The following ANO7 variants were observed in gnomAD, a reference collection of about 807,000 sequenced individuals.
The protein encoded by ANO7 is anoctamin 7.
A neutral mutation model predicts 115.8 loss-of-function variants in ANO7; 114 were observed. That is an observed-to-expected ratio of 0.98 (90% CI 0.85 to 1.15). ANO7 has a LOEUF of 1.15. Among genes scored for constraint, ANO7 ranks in the 50% most tolerant of loss-of-function variants. ANO7 has a pLI of 0.00. For missense variants in ANO7, 1,302 were observed against 1,201.2 expected (o/e 1.08, Z -1.24); for synonymous variants, 550 against 498.2 (o/e 1.10, Z -1.38).
chr2:241,196,838 C>CGT (rs60120827), intron 4 of ANO7, among the ~76,000 whole-genome samples: 2,868 of 146,930 alleles, frequency 0.02, 56 homozygotes, highest in African/African-American at 0.044. Context: ...TCAATTCATT[C>CGT]GTGTGTGTGT....
intron 4 of ANO7, 178 bp from the exon 5 acceptor site, chr2:241,199,138 G>A (rs1362972148): frequency 1.5e-5 from 9 of 603,788 alleles, no homozygotes; most frequent in Non-Finnish European, 2.4e-5. Context: ...AGGCCCGGTT[G>A]GCTTTCAGAG....
In ANO7 at chr2:241,200,179, C is replaced by T. The variant is rs902700135; in HGVS notation, c.508C>T (p.Pro170Ser). ...CCTGCTGGAGGTTGTGCCAGACGTA[C>T]CCCCCGAGTACTACTCCTGCCGGTT... is the stretch of plus-strand genomic sequence containing the variant. Reference protein sequence around the residue: ...NVLLEVVPDVPPEYYSCRFRV... With the variant: ...NVLLEVVPDVSPEYYSCRFRV... The change falls in exon 6 of 25, where the codon CCC becomes TCC. Residue 170 changes from proline (P) to serine (S), a missense_variant. Pro to Ser is a moderately conservative substitution (Grantham distance 74, BLOSUM62 -1). Transcript: ENST00000674324. The T allele has an allele frequency of 3.1e-6, 5 of 1,613,020 alleles. No individual in the cohort carries two copies. The highest frequency in any genetic ancestry group is 2.7e-5 in the African/African-American group (2 of 75,028).
At chr2:241,230,699 G>T, downstream of ANO7, 1 of 1,475,174 alleles carries the variant, frequency 6.8e-7, no homozygotes, top group Non-Finnish European at 9.4e-7. This position sits in a 1 kb window ranked among gnomAD's most constrained non-coding sequence, Gnocchi z 5.0. Flanking sequence ...CTTTCTTCTG[G>T]CCAGCCAGGT....
chr2:241,230,649 T>TTG, downstream of ANO7: 1 of 918,592 alleles, frequency 1.1e-6, no homozygotes, highest in Non-Finnish European at 1.7e-6. This position sits in a 1 kb window ranked among gnomAD's most constrained non-coding sequence, Gnocchi z 5.0. Context: ...AGCCCTGGGG[T>TTG]TGTGGCCTCA....
intron 6 of ANO7, among the ~76,000 whole-genome samples, chr2:241,200,508 G>T (rs1012755364): frequency 6.6e-6 from 1 of 152,216 alleles, no homozygotes; most frequent in Non-Finnish European, 1.5e-5. Context: ...GTGGGGCGGC[G>T]CGGTACCTGC....
chr2:241,199,686 C>T (rs1048512438), intron 5 of ANO7, among the ~76,000 whole-genome samples: 2 of 152,236 alleles, frequency 1.3e-5, no homozygotes, highest in Non-Finnish European at 2.9e-5. Flanking sequence ...CCCAGACCCC[C>T]GCCAGGCCAC....
chr2:241,218,793 C>T (rs1292485223), intron 21 of ANO7, among the ~76,000 whole-genome samples: 1 of 152,178 alleles, frequency 6.6e-6, no homozygotes, highest in Admixed American at 6.5e-5. Flanking sequence ...TAAGGGTCTA[C>T]GTGAAAGAGT....
intron 18 of ANO7, among the ~76,000 whole-genome samples, chr2:241,215,719 C>T (rs2068814634): frequency 6.6e-6 from 1 of 152,238 alleles, no homozygotes; most frequent in South Asian, 2.1e-4. Context: ...ACGTGGGCCT[C>T]CACATCTGCT....
In ANO7 at chr2:241,190,125, A is replaced by T; in HGVS notation, c.62A>T (p.Glu21Val). Residue 21 changes from glutamate to valine, a missense_variant, in exon 2 of 25, where the codon GAG (glutamate) becomes GTG (valine). Physicochemically the swap from Glu to Val is moderately radical, Grantham distance 121. Transcript: ENST00000674324. Reference sequence around the variant, plus strand: ...GTCCTGATCGATGTGAGCCCCCCTGAGGCAGAGAAGAGGGGCTCTTACGGG... The same window carrying T: ...GTCCTGATCGATGTGAGCCCCCCTGTGGCAGAGAAGAGGGGCTCTTACGGG... ...STVLIDVSPPEAEKRGSYGST... is the reference protein window; with the variant it reads ...STVLIDVSPPVAEKRGSYGST... 6.3e-7 allele frequency: 1 copy of T among 1,579,770 alleles called. No homozygotes were observed. Among genetic ancestry groups the T allele is most frequent in the African/African-American group, 1.3e-5 (1 of 74,420 alleles).
the ANO7 span, chr2:241,235,694 T>C: frequency 1.3e-6 from 1 of 759,990 alleles, no homozygotes; most frequent in Non-Finnish European, 2.3e-6. Flanking sequence ...CAAACAGCCC[T>C]ATGACAACAG....
chr2:241,190,311 C>T, intron 2 of ANO7, 140 bp downstream of exon 2: 1 of 683,386 alleles, frequency 1.5e-6, no homozygotes, highest in Non-Finnish European at 2.5e-6. Context: ...ACCCCCAAGC[C>T]CTCGCCACCC....
intron 6 of ANO7, among the ~76,000 whole-genome samples, chr2:241,200,682 C>A (rs1471467099): frequency 3.3e-5 from 5 of 152,244 alleles, no homozygotes; most frequent in African/African-American, 4.8e-5. Flanking sequence ...GCCAGTTGCA[C>A]TATGGCACCA....
intron 15 of ANO7, among the ~76,000 whole-genome samples, chr2:241,211,836 C>A (rs982063033): frequency 6.6e-6 from 1 of 152,220 alleles, no homozygotes; most frequent in African/African-American, 2.4e-5. Flanking sequence ...TCTGACCCAT[C>A]CCCTGACCAC....
At chr2:241,228,315 A>G (rs1247966632), downstream of ANO7, 2 of 152,362 alleles carry the variant, frequency 1.3e-5, no homozygotes, top group Non-Finnish European at 2.9e-5. Context: ...CATGACACAG[A>G]TGCCTCCCTC....
At chr2:241,235,777 G>A in the ANO7 span, 1 of 573,386 alleles carries the variant, frequency 1.7e-6, no homozygotes, top group Non-Finnish European at 3.1e-6. Context: ...ATTTGCATTA[G>A]GCTAATGCTG....
chr2:241,216,385 G>C (rs939333286), intron 19 of ANO7, 147 bp downstream of exon 19: 3 of 1,136,524 alleles, frequency 2.6e-6, no homozygotes, highest in East Asian at 5.4e-5. Flanking sequence ...ACAGAGGGTC[G>C]GGCCTGTGGA....
At position 241,188,765 on chromosome 2, in the gene ANO7, A is replaced by T; in HGVS notation, c.-9A>T. On this transcript the variant is annotated splice_region_variant and 5_prime_UTR_variant, in exon 1 of 25. Coordinates refer to ENST00000674324, the MANE Select transcript of ANO7 (RefSeq NM_001370694.2). This position sits in a 1 kb window ranked among gnomAD's most constrained non-coding sequence, Gnocchi z 4.3. ...GACCTCTTCCGGAAGCCACTGTGCC[A>T]GGTGGGGACCCAGCCTAGACGTGTG... 7.4e-6 allele frequency: 12 copies of T among 1,612,670 alleles called. No homozygotes were observed. Among genetic ancestry groups the T allele is most frequent in the Non-Finnish European group, 1.0e-5 (12 of 1,179,452 alleles).
At chr2:241,212,653 G>A in intron 17 of ANO7, 27 bp downstream of exon 17, 2 of 1,603,748 alleles carry the variant, frequency 1.2e-6, no homozygotes, top group Non-Finnish European at 8.5e-7. Flanking sequence ...CCCGGGACTG[G>A]GGGATGAGCT....
chr2:241,208,957 G>A (rs1309176960), intron 11 of ANO7, among the ~76,000 whole-genome samples: 5 of 152,118 alleles, frequency 3.3e-5, no homozygotes, highest in Non-Finnish European at 1.5e-5. Context: ...AGACCATCCT[G>A]GCTAACACGG....
Sources: gnomAD v4.1 joint callset for allele counts (sites outside exome capture counted in the v4.1 genomes callset) on GRCh38, gnomAD v4.1.1 for gene constraint, Gnocchi (gnomAD v3.1) non-coding constraint, MANE v1.5 for transcripts, NCBI Gene and HGNC (gene_info 2026-07-23, HGNC 2026-07-21) for gene names.